SLC4A10: variants seen among roughly 807,000 people sequenced by gnomAD.
The protein encoded by SLC4A10 is solute carrier family 4 member 10.
A neutral mutation model predicts 137.7 loss-of-function variants in SLC4A10; 42 were observed. The ratio of observed to expected loss-of-function variants is 0.30; its 90% CI spans 0.24 to 0.39. SLC4A10 has a LOEUF of 0.39. SLC4A10 is among the 10% of genes least tolerant of loss of function. SLC4A10 has a pLI of 1.00. For missense variants in SLC4A10, 925 were observed against 1,355.0 expected, an observed-to-expected ratio of 0.68 and a Z score of 4.98; for synonymous variants, 474 against 464.1, an observed-to-expected ratio of 1.02 and a Z score of -0.27.
chr2:161,762,296 A>G (rs2050331658), intron 1 of SLC4A10, among the ~76,000 whole-genome samples: 1 of 152,046 alleles, frequency 6.6e-6, no homozygotes, highest in Admixed American at 6.6e-5. Flanking sequence ...GTAATATTCC[A>G]ATAAATTTTA....
intron 3 of SLC4A10, among the ~76,000 whole-genome samples, chr2:161,839,462 A>G (rs937797145): frequency 6.6e-6 from 1 of 152,184 alleles, no homozygotes; most frequent in African/African-American, 2.4e-5. Context: ...AAATGAGTAT[A>G]TGTGTCTGAG....
intron 20 of SLC4A10, 134 bp from the exon 21 acceptor site, chr2:161,958,353 C>A: frequency 1.5e-6 from 1 of 657,780 alleles, no homozygotes; most frequent in Non-Finnish European, 2.5e-6. Flanking sequence ...GAACTTGAAT[C>A]CTTGTCTTCT....
rs554575118 is a variant in SLC4A10 at position 161,884,641 on chromosome 2, G to T, written c.1194+2197G>T. Among the ~76,000 whole-genome samples the T allele has an allele frequency of 6.3e-4, 96 of 152,144 alleles. 1 individual carries two copies. Among genetic ancestry groups the T allele is most frequent in the Non-Finnish European group, 1.2e-3 (85 of 68,028 alleles). ...TTTTTTCAATTATTTAGACTTGAAA[G>T]TTTCAGAGCATGGCTTTAGGTAATC... On this transcript the variant is annotated intron_variant, in intron 10 of 26. Coordinates refer to ENST00000446997, the MANE Select transcript of SLC4A10 (RefSeq NM_001178015.2).
At chr2:161,980,394 A>G (rs1700053207) in intron 26 of SLC4A10, among the ~76,000 whole-genome samples, 1 of 152,166 alleles carries the variant, frequency 6.6e-6, no homozygotes, top group South Asian at 2.1e-4. Flanking sequence ...CAGGCCTATA[A>G]TCTCAGCACT....
intron 1 of SLC4A10, among the ~76,000 whole-genome samples, chr2:161,649,173 C>G (rs1044422974): frequency 7.2e-5 from 11 of 152,044 alleles, no homozygotes; most frequent in Non-Finnish European, 1.2e-4. Context: ...TTGAGACCAG[C>G]GTGGGCAACA....
intron 5 of SLC4A10, 114 bp downstream of exon 5, chr2:161,855,244 T>C: frequency 2.1e-6 from 2 of 956,716 alleles, no homozygotes; most frequent in Non-Finnish European, 3.0e-6. Flanking sequence ...TCATAATCAC[T>C]GCATAAGGTC....
chr2:161,938,337 G>A (rs1344857883), intron 15 of SLC4A10, among the ~76,000 whole-genome samples: 1 of 151,958 alleles, frequency 6.6e-6, no homozygotes, highest in Admixed American at 6.6e-5. Context: ...GAAGTCTGAG[G>A]ACTATGGACC....
intron 1 of SLC4A10, among the ~76,000 whole-genome samples, chr2:161,658,881 G>C (rs188571430): frequency 1.8e-4 from 28 of 152,120 alleles, no homozygotes; most frequent in African/African-American, 5.5e-4. Flanking sequence ...ATGAGCCACC[G>C]AGCCTGGCCA....
intron 1 of SLC4A10, among the ~76,000 whole-genome samples, chr2:161,641,884 A>G (rs2035373561): frequency 6.6e-6 from 1 of 152,060 alleles, no homozygotes; most frequent in African/African-American, 2.4e-5. Flanking sequence ...TCAGGAACTT[A>G]TAATTATACA....
intron 23 of SLC4A10, among the ~76,000 whole-genome samples, chr2:161,971,677 A>G (rs1008037315): frequency 6.6e-6 from 1 of 152,124 alleles, no homozygotes; most frequent in Non-Finnish European, 1.5e-5. Context: ...AGAAAGCCTC[A>G]ATTTTTGGCT....
intron 23 of SLC4A10, among the ~76,000 whole-genome samples, chr2:161,970,736 C>A (rs1384313802): frequency 6.6e-6 from 1 of 152,142 alleles, no homozygotes; most frequent in East Asian, 1.9e-4. Flanking sequence ...TAAAGGATAA[C>A]TATCTTTGTT....
intron 12 of SLC4A10, among the ~76,000 whole-genome samples, chr2:161,903,335 A>G (rs1198950500): frequency 6.6e-6 from 1 of 152,196 alleles, no homozygotes. Context: ...ACATTTATCT[A>G]GTTTTATTAT....
chr2:161,805,358 C>G (rs886199006), intron 3 of SLC4A10, among the ~76,000 whole-genome samples: 6 of 152,162 alleles, frequency 3.9e-5, no homozygotes, highest in African/African-American at 1.4e-4. Flanking sequence ...AATCTCATGT[C>G]CTCACATTTC....
intron 16 of SLC4A10, 105 bp downstream of exon 16, chr2:161,943,002 C>T (rs1394398270): frequency 2.7e-6 from 2 of 734,522 alleles, no homozygotes; most frequent in Admixed American, 2.5e-5. Flanking sequence ...TAATATAAAA[C>T]TAATAGTTGT....
intron 8 of SLC4A10, among the ~76,000 whole-genome samples, chr2:161,878,285 A>G (rs1176816831): frequency 6.6e-6 from 1 of 152,192 alleles, no homozygotes; most frequent in Non-Finnish European, 1.5e-5. Flanking sequence ...AAGCTACTCA[A>G]GTGAATTAGA....
At chr2:161,785,561 G>T (rs531621973) in intron 2 of SLC4A10, among the ~76,000 whole-genome samples, 12 of 151,690 alleles carry the variant, frequency 7.9e-5, no homozygotes, top group Non-Finnish European at 1.3e-4. Context: ...CTGGGCTGGG[G>T]TTCATTATAT....
chr2:161,871,638 A>C (rs139690289), intron 6 of SLC4A10, among the ~76,000 whole-genome samples: 1 of 152,218 alleles, frequency 6.6e-6, no homozygotes, highest in East Asian at 1.9e-4. Context: ...AACTAATACA[A>C]TTCAAGTTTT....
At chr2:161,883,765 A>G (rs1007592782) in intron 10 of SLC4A10, among the ~76,000 whole-genome samples, 4 of 151,956 alleles carry the variant, frequency 2.6e-5, no homozygotes, top group African/African-American at 4.8e-5. Context: ...CCATCTTCAC[A>G]TGGCTTTCTC....
At chr2:161,861,317 CA>C (rs1435410365) in intron 5 of SLC4A10, among the ~76,000 whole-genome samples, 1 of 151,846 alleles carries the variant, frequency 6.6e-6, no homozygotes, top group African/African-American at 2.4e-5. Flanking sequence ...GAGAAAGTCA[CA>C]AAAAAACAAT....
Sources: gnomAD v4.1 joint callset for allele counts (sites outside exome capture counted in the v4.1 genomes callset) on GRCh38, gnomAD v4.1.1 for gene constraint, MANE v1.5 for transcripts, NCBI Gene and HGNC (gene_info 2026-07-23, HGNC 2026-07-21) for gene names.